The following CTNNA2 variants were observed in gnomAD, a reference collection of about 807,000 sequenced individuals.
CTNNA2 encodes catenin alpha-2.
A neutral mutation model predicts 101.0 loss-of-function variants in CTNNA2; 42 were observed. The observed-to-expected ratio is 0.42, with a 90% CI of 0.32 to 0.54. The LOEUF (loss-of-function observed/expected upper bound fraction) is 0.54, where lower values mean the gene tolerates loss of function less well. Among genes scored for constraint, CTNNA2 ranks in the 20% least tolerant of loss-of-function variants. CTNNA2 has a pLI of 0.14. For missense variants in CTNNA2, 871 were observed against 1,223.1 expected (o/e 0.71, Z 4.29); for synonymous variants, 450 against 456.4 (o/e 0.99, Z 0.18).
chr2:80,537,006 A>T (rs565332495), intron 9 of CTNNA2, among the ~76,000 whole-genome samples: 122 of 152,306 alleles, frequency 8.0e-4, no homozygotes, highest in African/African-American at 2.5e-3. Context: ...TGCTGCACCC[A>T]TCAACCCATC....
At chr2:80,108,736 G>C (rs994101459) in intron 7 of CTNNA2, among the ~76,000 whole-genome samples, 4 of 152,142 alleles carry the variant, frequency 2.6e-5, no homozygotes, top group African/African-American at 9.7e-5. Flanking sequence ...TCATCCGGTG[G>C]TTTATGGCAG....
chr2:80,446,922 G>A (rs1366034889), intron 9 of CTNNA2, among the ~76,000 whole-genome samples: 1 of 151,836 alleles, frequency 6.6e-6, no homozygotes, highest in Admixed American at 6.6e-5. Context: ...GATGGATTTT[G>A]CTTGTTAAAA....
intron 7 of CTNNA2, among the ~76,000 whole-genome samples, chr2:80,037,980 G>T (rs1234723431): frequency 6.6e-6 from 1 of 152,148 alleles, no homozygotes; most frequent in Non-Finnish European, 1.5e-5. Context: ...ATTAGAAAGG[G>T]TGGAGAGACC....
intron 2 of CTNNA2, among the ~76,000 whole-genome samples, chr2:79,262,864 T>C (rs1674941743): frequency 1.3e-5 from 2 of 152,150 alleles, no homozygotes; most frequent in African/African-American, 4.8e-5. Context: ...ACTACATTCA[T>C]TTACTCAGAA....
At chr2:79,718,037 ACTT>A (rs781273219) in intron 2 of CTNNA2, among the ~76,000 whole-genome samples, 2 of 152,160 alleles carry the variant, frequency 1.3e-5, no homozygotes, top group Non-Finnish European at 2.9e-5. Flanking sequence ...TGGCTTTAGA[ACTT>A]CTGGATAAAC....
At chr2:79,475,379 T>C (rs529791025) in intron 4 of CTNNA2, among the ~76,000 whole-genome samples, 1 of 152,252 alleles carries the variant, frequency 6.6e-6, no homozygotes, top group South Asian at 2.1e-4. Flanking sequence ...GGAAGACAAG[T>C]GAAGCTGGAG....
intron 4 of CTNNA2, among the ~76,000 whole-genome samples, chr2:79,431,518 C>G (rs959610622): frequency 1.3e-5 from 2 of 152,148 alleles, no homozygotes; most frequent in Non-Finnish European, 2.9e-5. Flanking sequence ...GCTCTTAAAA[C>G]TTGTCAGACA....
chr2:79,203,698 A>G (rs1057316405), intron 2 of CTNNA2, among the ~76,000 whole-genome samples: 6 of 152,378 alleles, frequency 3.9e-5, no homozygotes, highest in Middle Eastern at 3.4e-3. Context: ...ACGAAAGGTT[A>G]TCAAGTCTTC....
intron 7 of CTNNA2, among the ~76,000 whole-genome samples, chr2:80,163,985 G>A (rs1158563131): frequency 1.3e-5 from 2 of 150,384 alleles, no homozygotes; most frequent in African/African-American, 4.9e-5. Flanking sequence ...TCATCCTTCT[G>A]TATGTATGTA....
chr2:79,691,939 A>G (rs1684331464), intron 2 of CTNNA2, among the ~76,000 whole-genome samples: 1 of 152,158 alleles, frequency 6.6e-6, no homozygotes, highest in Middle Eastern at 3.2e-3. Context: ...AACTTAGGCA[A>G]TACCATTTAG....
chr2:79,584,196 T>G (rs957301266), intron 1 of CTNNA2, among the ~76,000 whole-genome samples: 3 of 152,130 alleles, frequency 2.0e-5, no homozygotes, highest in Non-Finnish European at 4.4e-5. Context: ...TCCTCTGGAT[T>G]TATCAGTAGG....
chr2:80,102,660 GCACCACA>G (rs1280818569), intron 7 of CTNNA2, among the ~76,000 whole-genome samples: 2 of 152,064 alleles, frequency 1.3e-5, no homozygotes, highest in African/African-American at 2.4e-5. Flanking sequence ...CTACAGGCAT[GCACCACA>G]CACCCAGCTA....
At position 79,639,159 on chromosome 2, in the gene CTNNA2, C is replaced by A. The variant is rs1176074500; in HGVS notation, c.-5-12393C>A. 3.3e-5 allele frequency among the ~76,000 whole-genome samples: 5 copies of A among 152,196 alleles called. No individual in the cohort carries two copies. In the South Asian group the frequency reaches 6.2e-4, roughly 19 times the overall value. ...ATTTAATGGTCCCAGAGATGCCCAT[C>A]TCCAGCAGAGCTCACTCTGTGAGGG... is the stretch of plus-strand genomic sequence containing the variant. On this transcript the variant is annotated intron_variant, in intron 1 of 18. Coordinates refer to ENST00000402739, the MANE Select transcript of CTNNA2 (RefSeq NM_001282597.3).
intron 3 of CTNNA2, among the ~76,000 whole-genome samples, chr2:79,802,977 A>C (rs1446112507): frequency 6.6e-6 from 1 of 152,248 alleles, no homozygotes; most frequent in Non-Finnish European, 1.5e-5. Context: ...AAGTTATATA[A>C]AAATAAGTTC....
At chr2:79,929,219 G>C (rs1687224533) in intron 7 of CTNNA2, among the ~76,000 whole-genome samples, 1 of 151,916 alleles carries the variant, frequency 6.6e-6, no homozygotes, top group Admixed American at 6.6e-5. Context: ...AATTCCAGGG[G>C]GAAATTTATA....
chr2:79,270,238 A>AT (rs906337956), intron 2 of CTNNA2, among the ~76,000 whole-genome samples: 6 of 152,124 alleles, frequency 3.9e-5, no homozygotes, highest in Non-Finnish European at 7.4e-5. Context: ...CTGTAAAAAA[A>AT]ATATATGACA....
Position 80,302,636 on chromosome 2 carries a change from G to C in CTNNA2, c.1057-90575G>C. 6.2e-7 allele frequency: 1 copy of C among 1,607,106 alleles called. No homozygotes were observed. On this transcript the variant is annotated intron_variant, in intron 7 of 18. Transcript: ENST00000402739. This position sits in a 1 kb window ranked among gnomAD's most constrained non-coding sequence, Gnocchi z 6.4. ...GTCGTGCTGCCCCTCCCCGCCGTCC[G>C]CGAGCGTGGTGGCCGAGCTGGCAGG...
chr2:79,843,754 C>T (rs1197145408), intron 3 of CTNNA2, among the ~76,000 whole-genome samples: 1 of 152,176 alleles, frequency 6.6e-6, no homozygotes, highest in East Asian at 1.9e-4. Context: ...CTTCATTGTT[C>T]AAAACCAGTT....
chr2:80,074,295 A>C (rs1573000160), intron 7 of CTNNA2, among the ~76,000 whole-genome samples: 1 of 152,196 alleles, frequency 6.6e-6, no homozygotes, highest in Admixed American at 6.5e-5. Context: ...TTTTGAGGTA[A>C]AGAACAGACC....
Sources: gnomAD v4.1 joint callset for allele counts (sites outside exome capture counted in the v4.1 genomes callset) on GRCh38, gnomAD v4.1.1 for gene constraint, Gnocchi (gnomAD v3.1) non-coding constraint, MANE v1.5 for transcripts, NCBI Gene and HGNC (gene_info 2026-07-23, HGNC 2026-07-21) for gene names.